PRKN: variants seen among roughly 807,000 people sequenced by gnomAD.
PRKN encodes E3 ubiquitin-protein ligase parkin.
In PRKN, 56 loss-of-function variants were observed where a neutral mutation model predicts 59.5. The ratio of observed to expected loss-of-function variants is 0.94; its 90% CI spans 0.76 to 1.18. The LOEUF (loss-of-function observed/expected upper bound fraction) is 1.18. Ranked by LOEUF, PRKN falls within the 50% of genes most tolerant of loss-of-function variation. The pLI is 0.00. For synonymous variants in PRKN, 250 were observed against 222.1 expected (o/e 1.13, Z -1.12); for missense variants, 657 against 596.4 (o/e 1.10, Z -1.06).
intron 7 of PRKN, among the ~76,000 whole-genome samples, chr6:161,708,546 T>C (rs1432442747): frequency 6.6e-6 from 1 of 151,808 alleles, no homozygotes; most frequent in Non-Finnish European, 1.5e-5. Context: ...CTTAGTGACA[T>C]TGCAACAGGA....
intron 1 of PRKN, among the ~76,000 whole-genome samples, chr6:162,448,100 G>T (rs1747471996): frequency 6.6e-6 from 1 of 152,152 alleles, no homozygotes; most frequent in African/African-American, 2.4e-5. Context: ...ACTGAAGGCA[G>T]GCAATTCTTC....
intron 8 of PRKN, among the ~76,000 whole-genome samples, chr6:161,556,173 G>C (rs766624918): frequency 2.0e-5 from 3 of 151,946 alleles, no homozygotes; most frequent in Non-Finnish European, 2.9e-5. Flanking sequence ...CATTAGCTAG[G>C]GAATTTATTA....
Position 161,357,100 on chromosome 6 carries a change from G to A in PRKN, c.1285+2988C>T, listed in dbSNP as rs1784786711. ...AGAGTCTTGCTCTGTCACTCAGGCT[G>A]GAGTGCAATGGCATGATCTCAGCTC... On this transcript the variant is annotated intron_variant, in intron 11 of 11. Coordinates refer to ENST00000366898, the MANE Select transcript of PRKN (RefSeq NM_004562.3). The surrounding 1 kb of genome is among the most constrained non-coding windows in gnomAD (Gnocchi z 5.5). Among the ~76,000 whole-genome samples, 3 of 141,524 alleles carry A rather than the reference G, an allele frequency of 2.1e-5. No homozygotes were observed. The highest frequency in any genetic ancestry group is 4.1e-4 in the East Asian group (2 of 4,928). The allele number at this position is 141,524 out of a possible 152,430, so 92.8% of individuals were successfully genotyped here.
chr6:161,949,272 G>A (rs1562411763), intron 6 of PRKN, among the ~76,000 whole-genome samples: 1 of 152,232 alleles, frequency 6.6e-6, no homozygotes, highest in South Asian at 2.1e-4. Context: ...AGCACTTTGG[G>A]AGGCCGAGGC....
At chr6:162,402,386 C>T (rs776191403) in intron 2 of PRKN, among the ~76,000 whole-genome samples, 13 of 152,040 alleles carry the variant, frequency 8.6e-5, no homozygotes, top group African/African-American at 1.4e-4. Context: ...AGGAATCTAT[C>T]GGAACACAAG....
chr6:162,054,718 A>T (rs574318867), intron 4 of PRKN, among the ~76,000 whole-genome samples: 1 of 152,222 alleles, frequency 6.6e-6, no homozygotes. Flanking sequence ...GCATCAAAGA[A>T]ATAAAAATTC....
chr6:162,262,518 C>T lies in PRKN; in HGVS notation c.412+7G>A. 1 of 1,613,942 alleles carries T rather than the reference C, an allele frequency of 6.2e-7. No homozygotes were observed. ...ATGCTTTAATAATCTTAGAGCATTCCAATTACCTGGACTTCCAGCTGGTGG... is the reference window on the plus strand; with the variant it reads ...ATGCTTTAATAATCTTAGAGCATTCTAATTACCTGGACTTCCAGCTGGTGG... On this transcript the variant is annotated splice_region_variant and intron_variant, in intron 3 of 11. Transcript: ENST00000366898.
chr6:162,414,445 C>T (rs1432932153), intron 2 of PRKN, among the ~76,000 whole-genome samples: 1 of 151,666 alleles, frequency 6.6e-6, no homozygotes, highest in Admixed American at 6.6e-5. Flanking sequence ...TGGTGGCTCA[C>T]ACCTGTAATC....
intron 7 of PRKN, among the ~76,000 whole-genome samples, chr6:161,737,393 G>A (rs1416429952): frequency 6.6e-6 from 1 of 152,218 alleles, no homozygotes; most frequent in Admixed American, 6.5e-5. Flanking sequence ...GCAGAGGCAG[G>A]GATGGAGAGG....
chr6:162,006,218 T>A (rs143657154), intron 5 of PRKN, among the ~76,000 whole-genome samples: 2 of 152,280 alleles, frequency 1.3e-5, no homozygotes, highest in African/African-American at 4.8e-5. Flanking sequence ...CGTTTGTTGA[T>A]TAAACGACTG....
At chr6:162,530,664 T>G (rs1261194337) in intron 1 of PRKN, among the ~76,000 whole-genome samples, 1 of 152,004 alleles carries the variant, frequency 6.6e-6, no homozygotes, top group Non-Finnish European at 1.5e-5. Context: ...GAAGTCCAAG[T>G]CATGCATGAG....
intron 6 of PRKN, among the ~76,000 whole-genome samples, chr6:161,903,438 C>G (rs1369372925): frequency 6.6e-6 from 1 of 152,158 alleles, no homozygotes; most frequent in South Asian, 2.1e-4. Context: ...AGAAGTCAAA[C>G]TTCGCGAAGG....
intron 6 of PRKN, among the ~76,000 whole-genome samples, chr6:161,856,528 T>C (rs1032707218): frequency 6.6e-6 from 1 of 152,148 alleles, no homozygotes; most frequent in Non-Finnish European, 1.5e-5. Context: ...TATTAGAAGG[T>C]ACATATACTG....
intron 1 of PRKN, among the ~76,000 whole-genome samples, chr6:162,618,981 A>G (rs1047442193): frequency 6.6e-6 from 1 of 152,150 alleles, no homozygotes; most frequent in African/African-American, 2.4e-5. Context: ...AGCATCTATA[A>G]TACCTAGATT....
At chr6:162,358,559 T>G (rs1784977549) in intron 2 of PRKN, among the ~76,000 whole-genome samples, 1 of 152,164 alleles carries the variant, frequency 6.6e-6, no homozygotes. Context: ...TGGTTTCTTA[T>G]CTTTAAGACA....
intron 7 of PRKN, among the ~76,000 whole-genome samples, chr6:161,706,451 T>C (rs1163505096): frequency 6.6e-6 from 1 of 152,248 alleles, no homozygotes; most frequent in Non-Finnish European, 1.5e-5. Flanking sequence ...CAAGCTTTGC[T>C]TCACTGTCAT....
intron 6 of PRKN, among the ~76,000 whole-genome samples, chr6:161,880,971 T>C (rs1202964334): frequency 6.6e-6 from 1 of 152,204 alleles, no homozygotes; most frequent in Admixed American, 6.5e-5. Flanking sequence ...AAACTAGTTA[T>C]GTGGGGTTTG....
rs1427883581 is a variant in PRKN, at chr6:161,352,191, C to T, written c.1286-1980G>A. On this transcript the variant is annotated intron_variant, in intron 11 of 11. Transcript: ENST00000366898. This position sits in a 1 kb window ranked among gnomAD's most constrained non-coding sequence, Gnocchi z 5.8. Reference sequence around the variant, plus strand: ...AATTGATTTTTCCTGCCAAATTTTCCAAGTAATTGGTTCGGTGCTGTCTCA... The same window carrying T: ...AATTGATTTTTCCTGCCAAATTTTCTAAGTAATTGGTTCGGTGCTGTCTCA... Among the ~76,000 whole-genome samples, 1 of 152,138 alleles carries T rather than the reference C, an allele frequency of 6.6e-6. No homozygotes were observed. The highest frequency in any genetic ancestry group is 6.5e-5 in the Admixed American group (1 of 15,276).
chr6:162,243,749 G>A (rs1246077855), intron 3 of PRKN, among the ~76,000 whole-genome samples: 4 of 152,132 alleles, frequency 2.6e-5, no homozygotes, highest in African/African-American at 9.6e-5. Context: ...CCACATCTCA[G>A]TGAGTTCTTA....
Sources: gnomAD v4.1 joint callset for allele counts (sites outside exome capture counted in the v4.1 genomes callset) on GRCh38, gnomAD v4.1.1 for gene constraint, Gnocchi (gnomAD v3.1) non-coding constraint, MANE v1.5 for transcripts, NCBI Gene and HGNC (gene_info 2026-07-23, HGNC 2026-07-21) for gene names.